Variants in KDM4C observed in about 807,000 individuals in gnomAD.
The protein encoded by KDM4C is lysine-specific demethylase 4C.
KDM4C carries 81 observed loss-of-function variants against 129.3 expected under a neutral mutation model. That is an observed-to-expected ratio of 0.63 (90% CI 0.52 to 0.75). The LOEUF (loss-of-function observed/expected upper bound fraction) is 0.75, where lower values mean the gene tolerates loss of function less well. Ranked by LOEUF, KDM4C falls within the 30% of genes least tolerant of loss-of-function variation. KDM4C has a pLI of 0.00. For synonymous variants in KDM4C, 573 were observed against 456.1 expected (o/e 1.26, Z -3.26); for missense variants, 1,457 against 1,304.0 (o/e 1.12, Z -1.81).
intron 12 of KDM4C, among the ~76,000 whole-genome samples, chr9:6,993,274 T>C (rs556813630): frequency 6.6e-6 from 1 of 152,320 alleles, no homozygotes; most frequent in South Asian, 2.1e-4. Flanking sequence ...TGAAAAATAA[T>C]GTTAAATATA....
At chr9:6,877,592 G>A (rs1843760855) in intron 5 of KDM4C, among the ~76,000 whole-genome samples, 1 of 152,190 alleles carries the variant, frequency 6.6e-6, no homozygotes, top group African/African-American at 2.4e-5. Context: ...TATTGACAGA[G>A]TGAGATAATT....
chr9:7,108,698 A>G (rs1327159883), intron 18 of KDM4C, among the ~76,000 whole-genome samples: 5 of 152,138 alleles, frequency 3.3e-5, no homozygotes, highest in African/African-American at 9.7e-5. Flanking sequence ...GGGTTAACCT[A>G]TGACTATATA....
At chr9:6,773,898 C>G (rs1258340889) in intron 1 of KDM4C, among the ~76,000 whole-genome samples, 1 of 151,814 alleles carries the variant, frequency 6.6e-6, no homozygotes, top group African/African-American at 2.4e-5. Flanking sequence ...ATAACCAAAC[C>G]CTAGGCATTT....
At chr9:7,080,707 C>G (rs1011151177) in intron 17 of KDM4C, among the ~76,000 whole-genome samples, 2 of 152,090 alleles carry the variant, frequency 1.3e-5, no homozygotes, top group Non-Finnish European at 2.9e-5. Flanking sequence ...ATAATTTAAG[C>G]GCACATATAA....
intron 1 of KDM4C, chr9:6,735,091 A>C: frequency 2.4e-6 from 1 of 417,228 alleles, no homozygotes; most frequent in South Asian, 2.1e-5. Flanking sequence ...CCAGCAGCCT[A>C]TGCAATGACT....
intron 17 of KDM4C, among the ~76,000 whole-genome samples, chr9:7,065,913 A>G (rs1254618769): frequency 6.6e-6 from 1 of 152,010 alleles, no homozygotes; most frequent in East Asian, 1.9e-4. Context: ...TGTGATCCGC[A>G]GGTCTTTTCC....
intron 1 of KDM4C, among the ~76,000 whole-genome samples, chr9:6,739,097 G>A (rs530614950): frequency 1.3e-5 from 2 of 152,028 alleles, no homozygotes; most frequent in Admixed American, 6.6e-5. Flanking sequence ...TTTTGAGACA[G>A]AGTCTCACTC....
At chr9:7,164,963 C>T (rs561259729) in intron 19 of KDM4C, among the ~76,000 whole-genome samples, 21 of 152,150 alleles carry the variant, frequency 1.4e-4, no homozygotes, top group African/African-American at 5.1e-4. Context: ...TTTTAGTTAC[C>T]CCCTAAACAA....
intron 21 of KDM4C, among the ~76,000 whole-genome samples, chr9:7,174,279 T>A (rs1587996905): frequency 2.0e-5 from 3 of 152,198 alleles, no homozygotes; most frequent in South Asian, 4.1e-4. Flanking sequence ...TGAGGGAAGT[T>A]TAAAACGAGA....
chr9:6,995,893 G>C (rs186801471), intron 12 of KDM4C, among the ~76,000 whole-genome samples: 16 of 131,112 alleles, frequency 1.2e-4, no homozygotes, highest in Admixed American at 3.8e-4. Flanking sequence ...GGATGGTCTC[G>C]ATCTGACCTC....
chr9:6,936,520 G>C (rs753883401), intron 8 of KDM4C, among the ~76,000 whole-genome samples: 1 of 152,084 alleles, frequency 6.6e-6, no homozygotes, highest in Non-Finnish European at 1.5e-5. Context: ...AGTAAATTAG[G>C]TAATACTATT....
intron 7 of KDM4C, among the ~76,000 whole-genome samples, chr9:6,890,651 A>G (rs1323237792): frequency 6.6e-6 from 1 of 151,472 alleles, no homozygotes; most frequent in Non-Finnish European, 1.5e-5. Flanking sequence ...AAATCATGGC[A>G]TGAGCTGGAT....
In KDM4C at chr9:6,995,437, C is replaced by G. The variant is rs554353785; in HGVS notation, c.1786+4913C>G. The stretch of plus-strand genomic sequence containing the variant: ...AGCCTACCTTGAATAAGGTAAATGT[C>G]TCATAAAAGGGAATTGTTCAAGGGA... On this transcript the variant is annotated intron_variant, in intron 12 of 21. Coordinates refer to ENST00000381309, the MANE Select transcript of KDM4C (RefSeq NM_015061.6). Among the ~76,000 whole-genome samples, 6 of 152,082 alleles carry G rather than the reference C, an allele frequency of 3.9e-5. No homozygotes were observed. The South Asian group carries it at 8.3e-4, about 21-fold the overall frequency.
intron 17 of KDM4C, among the ~76,000 whole-genome samples, chr9:7,082,151 C>T (rs749917569): frequency 7.5e-6 from 1 of 134,098 alleles, no homozygotes. Flanking sequence ...TGTGTCACTA[C>T]AGCCTCACAT....
chr9:6,860,948 A>C (rs1476060252), intron 5 of KDM4C, among the ~76,000 whole-genome samples: 1 of 152,200 alleles, frequency 6.6e-6, no homozygotes, highest in Non-Finnish European at 1.5e-5. Context: ...AGGATATTTA[A>C]GATGGAATAT....
chr9:7,082,350 G>A (rs1309027992), intron 17 of KDM4C, among the ~76,000 whole-genome samples: 3 of 152,144 alleles, frequency 2.0e-5, no homozygotes, highest in Non-Finnish European at 2.9e-5. Flanking sequence ...GGGATTCAGC[G>A]GGAGTTACAC....
chr9:7,092,495 A>G (rs1289378389), intron 17 of KDM4C, among the ~76,000 whole-genome samples: 1 of 152,204 alleles, frequency 6.6e-6, no homozygotes, highest in Non-Finnish European at 1.5e-5. Context: ...ATAGGATTCC[A>G]GAGAAATATG....
At chr9:6,895,254 A>C (rs964739213) in intron 8 of KDM4C, among the ~76,000 whole-genome samples, 1 of 152,230 alleles carries the variant, frequency 6.6e-6, no homozygotes, top group African/African-American at 2.4e-5. Flanking sequence ...TCACCAGTTA[A>C]ATGTCAAGAT....
chr9:7,075,424 C>T (rs923801299), intron 17 of KDM4C, among the ~76,000 whole-genome samples: 2 of 152,082 alleles, frequency 1.3e-5, no homozygotes, highest in Non-Finnish European at 2.9e-5. Context: ...GGGGTGCTTC[C>T]CTCATGAATG....
Sources: allele counts gnomAD v4.1 joint callset (sites outside exome capture counted in the v4.1 genomes callset), GRCh38; gene constraint gnomAD v4.1.1; transcripts MANE v1.5; gene names NCBI Gene and HGNC (gene_info 2026-07-23, HGNC 2026-07-21).